Variants in NDUFAF6 observed in about 807,000 individuals in gnomAD.
NDUFAF6 encodes NADH dehydrogenase (ubiquinone) complex I, assembly factor 6.
A neutral mutation model predicts 40.8 loss-of-function variants in NDUFAF6; 45 were observed. The ratio of observed to expected loss-of-function variants is 1.10; its 90% CI spans 0.87 to 1.42. NDUFAF6 has a LOEUF of 1.42. Among genes scored for constraint, NDUFAF6 ranks in the 40% most tolerant of loss-of-function variants. The pLI is 0.00. For missense variants in NDUFAF6, 435 were observed against 418.5 expected, an observed-to-expected ratio of 1.04 and a Z score of -0.34; for synonymous variants, 185 against 155.9, an observed-to-expected ratio of 1.19 and a Z score of -1.39.
chr8:95,089,879 G>A (rs970330182), intron 2 of NDUFAF6, among the ~76,000 whole-genome samples: 3 of 152,142 alleles, frequency 2.0e-5, no homozygotes, highest in Non-Finnish European at 2.9e-5. Context: ...CAACAGTGGG[G>A]CCCATGTGTT....
At chr8:95,079,719 C>CTT (rs11440357), downstream of NDUFAF6, among the ~76,000 whole-genome samples, 2,724 of 146,582 alleles carry the variant, frequency 0.019, 79 homozygotes, top group African/African-American at 0.063. Flanking sequence ...TTTTTTTAGA[C>CTT]TTTTTTTTTT....
chr8:95,017,892 A>T (rs1001860876), intron 2 of NDUFAF6, among the ~76,000 whole-genome samples: 5 of 152,194 alleles, frequency 3.3e-5, no homozygotes, highest in Non-Finnish European at 7.3e-5. Flanking sequence ...TTGAAGAAAG[A>T]CATTTTGTCA....
At chr8:94,936,523 G>A (rs1040453251) in intron 1 of NDUFAF6, among the ~76,000 whole-genome samples, 2 of 152,116 alleles carry the variant, frequency 1.3e-5, no homozygotes, top group Non-Finnish European at 2.9e-5. Context: ...AAAACAAATC[G>A]GCTCTGTGGG....
At chr8:95,034,467 A>G (rs986853183) in intron 2 of NDUFAF6, among the ~76,000 whole-genome samples, 1 of 152,086 alleles carries the variant, frequency 6.6e-6, no homozygotes, top group Non-Finnish European at 1.5e-5. Flanking sequence ...AGGATCATGT[A>G]TTACATTTAG....
chr8:95,104,714 T>C (rs528854522), downstream of NDUFAF6, among the ~76,000 whole-genome samples: 96 of 152,284 alleles, frequency 6.3e-4, 1 homozygote, highest in African/African-American at 2.0e-3. Flanking sequence ...GCAGTTGCCA[T>C]TGGGCTCTCT....
intron 1 of NDUFAF6, among the ~76,000 whole-genome samples, chr8:95,028,693 C>A (rs1417665950): frequency 1.3e-5 from 2 of 152,028 alleles, no homozygotes; most frequent in African/African-American, 2.4e-5. Flanking sequence ...GCTTCATTTG[C>A]AAATTGGGAA....
intron 1 of NDUFAF6, among the ~76,000 whole-genome samples, chr8:94,959,555 C>G (rs200774455): frequency 2.0e-5 from 3 of 149,222 alleles, no homozygotes; most frequent in Non-Finnish European, 3.0e-5. Flanking sequence ...TTTTTAGAGA[C>G]AGTCTTGCTT....
intron 1 of NDUFAF6, among the ~76,000 whole-genome samples, chr8:94,897,733 T>A (rs1426497153): frequency 7.5e-6 from 1 of 134,218 alleles, no homozygotes; most frequent in Non-Finnish European, 1.5e-5. Context: ...GTATATCTCC[T>A]CTGTCGAAGC....
chr8:95,020,313 G>C (rs762138572), upstream of NDUFAF6, among the ~76,000 whole-genome samples: 15 of 152,288 alleles, frequency 9.8e-5, no homozygotes, highest in Admixed American at 3.9e-4. Context: ...TAACTGTAAG[G>C]CTTGACTATT....
chr8:95,058,611 A>G lies in NDUFAF6; in HGVS notation c.*674A>G. On this transcript the variant is annotated 3_prime_UTR_variant, in exon 9 of 9. Coordinates refer to ENST00000396124, the MANE Select transcript of NDUFAF6 (RefSeq NM_152416.4). ...ATCCCACTTCCTCACTCTGTCATTC[A>G]GCATTATCATGATCGTGAACAAAAT... 1 of 1,160,954 alleles carries G rather than the reference A, an allele frequency of 8.6e-7. No individual in the cohort carries two copies. Among genetic ancestry groups the G allele is most frequent in the Non-Finnish European group, 1.1e-6 (1 of 944,148 alleles). The allele number at this position is 1,160,954 out of a possible 1,614,324, so 71.9% of individuals were successfully genotyped here.
intron 1 of NDUFAF6, among the ~76,000 whole-genome samples, chr8:94,958,443 A>G (rs954939937): frequency 2.7e-5 from 4 of 149,394 alleles, no homozygotes; most frequent in Admixed American, 6.7e-5. Flanking sequence ...TAAGGACACT[A>G]GTCATACGGG....
intron 2 of NDUFAF6, chr8:95,034,024 G>A (rs749090067): frequency 4.4e-6 from 2 of 457,712 alleles, no homozygotes; most frequent in Admixed American, 4.7e-5. Flanking sequence ...TCTTGCTGCT[G>A]TCTTGCTGTA....
intron 1 of NDUFAF6, among the ~76,000 whole-genome samples, chr8:94,979,924 C>G (rs1024206446): frequency 6.6e-6 from 1 of 152,086 alleles, no homozygotes; most frequent in Non-Finnish European, 1.5e-5. Context: ...GCAAAAACCT[C>G]ATCTCTACTG....
In NDUFAF6 at chr8:94,934,874, A is replaced by C. The variant is rs139568919; in HGVS notation, c.-935-10609A>C. 5.9e-3 allele frequency among the ~76,000 whole-genome samples: 898 copies of C among 152,338 alleles called. 2 individuals are homozygous for C. Among genetic ancestry groups the C allele is most frequent in the Non-Finnish European group, 9.1e-3 (622 of 68,028 alleles). ...TGTAGCACTGAATAAAGTGCCAGTT[A>C]AAGTAACATTCCCCACCCATGACCT... On this transcript the variant is annotated intron_variant, in intron 1 of 14. Coordinates refer to the NDUFAF6 transcript ENST00000396113.
intron 1 of NDUFAF6, chr8:94,939,930 G>A (rs1158780733): frequency 6.2e-7 from 1 of 1,614,148 alleles, no homozygotes; most frequent in Admixed American, 1.7e-5. Flanking sequence ...CAGGAGTTAT[G>A]CACAGCATAG....
chr8:94,910,888 GAA>G (rs1818738479), intron 1 of NDUFAF6, among the ~76,000 whole-genome samples: 1 of 147,812 alleles, frequency 6.8e-6, no homozygotes, highest in African/African-American at 2.5e-5. Flanking sequence ...GTATAGTATA[GAA>G]TATATCATGC....
intron 9 of NDUFAF6, among the ~76,000 whole-genome samples, chr8:95,069,843 A>G (rs2132030075): frequency 6.8e-6 from 1 of 146,672 alleles, no homozygotes; most frequent in African/African-American, 2.5e-5. Context: ...TATGTATAAT[A>G]TTATTTTTTT....
rs571512444 is a variant in NDUFAF6, at chr8:95,042,548, G to A, written c.477+922G>A. Among the ~76,000 whole-genome samples the A allele has an allele frequency of 6.6e-5, 10 of 152,266 alleles. No individual in the cohort carries two copies. The South Asian group carries it at 1.9e-3, about 28-fold the overall frequency. ...CTTTTGAAGGGGGGGATATTTAAAA[G>A]TAAAGAACTGTGAACAAACATTGAT... On this transcript the variant is annotated intron_variant, in intron 4 of 8. Transcript: ENST00000396124.
chr8:95,039,572 C>T (rs78480941), intron 3 of NDUFAF6, among the ~76,000 whole-genome samples: 2,103 of 151,700 alleles, frequency 0.014, 44 homozygotes, highest in African/African-American at 0.047. Context: ...GCCACCGCCC[C>T]GGCCTAATAT....
Sources: gnomAD v4.1 joint callset for allele counts (sites outside exome capture counted in the v4.1 genomes callset) on GRCh38, gnomAD v4.1.1 for gene constraint, MANE v1.5 for transcripts, NCBI Gene and HGNC (gene_info 2026-07-23, HGNC 2026-07-21) for gene names.